The following SMIM36 variants were observed in gnomAD, a reference collection of about 807,000 sequenced individuals.
The protein encoded by SMIM36 is small integral membrane protein 36.
the SMIM36 span, among the ~76,000 whole-genome samples, chr17:55,529,598 T>A: frequency 7.1e-6 from 1 of 140,268 alleles, no homozygotes; most frequent in Non-Finnish European, 1.5e-5. Flanking sequence ...AAACCCCATC[T>A]CTACTAAAAA....
intron 1 of SMIM36, among the ~76,000 whole-genome samples, chr17:55,482,772 A>G (rs78366883): frequency 0.026 from 3,996 of 152,322 alleles, 154 homozygotes; most frequent in African/African-American, 0.081. Context: ...GTACTTACTG[A>G]TAGAGGCATT....
intron 1 of SMIM36, among the ~76,000 whole-genome samples, chr17:55,496,190 C>T (rs753597835): frequency 5.9e-5 from 9 of 152,190 alleles, no homozygotes; most frequent in Non-Finnish European, 8.8e-5. Context: ...TCCCTTGGAG[C>T]GGCACACTTT....
At chr17:55,457,506 C>G (rs1332554696) in intron 4 of SMIM36, among the ~76,000 whole-genome samples, 1 of 149,282 alleles carries the variant, frequency 6.7e-6, no homozygotes, top group African/African-American at 2.5e-5. Context: ...CTCTCGAGAT[C>G]TTTAAAAAAA....
At chr17:55,501,322 T>C (rs190803051) in intron 1 of SMIM36, among the ~76,000 whole-genome samples, 2,017 of 66,786 alleles carry the variant, frequency 0.03, 142 homozygotes, top group African/African-American at 0.19. Flanking sequence ...ATATTATATT[T>C]TATAATATAT....
chr17:55,487,925 A>G (rs944696045), intron 1 of SMIM36, among the ~76,000 whole-genome samples: 3 of 152,214 alleles, frequency 2.0e-5, no homozygotes, highest in African/African-American at 7.2e-5. Context: ...TGGGGATTCC[A>G]GACCAGCCTC....
At chr17:55,489,489 A>G (rs1309436098) in intron 1 of SMIM36, among the ~76,000 whole-genome samples, 4 of 152,212 alleles carry the variant, frequency 2.6e-5, no homozygotes, top group Non-Finnish European at 5.9e-5. Flanking sequence ...CCACTTATAA[A>G]AGTTTTGTAT....
chr17:55,463,010 T>C (rs1010500552), intron 4 of SMIM36, among the ~76,000 whole-genome samples: 1 of 152,128 alleles, frequency 6.6e-6, no homozygotes, highest in Non-Finnish European at 1.5e-5. Flanking sequence ...CCAAGAACAT[T>C]TGGCCTCTGA....
chr17:55,524,595 T>C, the SMIM36 span, among the ~76,000 whole-genome samples: 13 of 152,220 alleles, frequency 8.5e-5, no homozygotes, highest in Non-Finnish European at 1.9e-4. Flanking sequence ...ATTTTTTGAC[T>C]TTTTGGTAGT....
intron 3 of SMIM36, among the ~76,000 whole-genome samples, chr17:55,474,601 T>G (rs1387713807): frequency 6.6e-6 from 1 of 152,208 alleles, no homozygotes; most frequent in East Asian, 1.9e-4. Context: ...GTTTTTGACT[T>G]GACTTGGATT....
At chr17:55,451,612 A>G (rs1285866179) in intron 4 of SMIM36, among the ~76,000 whole-genome samples, 1 of 152,122 alleles carries the variant, frequency 6.6e-6, no homozygotes, top group Admixed American at 6.6e-5. Flanking sequence ...AGAAAGATAC[A>G]CCCTCTTTGT....
chr17:55,466,543 A>G (rs1909242574), intron 4 of SMIM36, among the ~76,000 whole-genome samples: 1 of 152,216 alleles, frequency 6.6e-6, no homozygotes, highest in Non-Finnish European at 1.5e-5. Flanking sequence ...TCCAGACATC[A>G]TATTCCTTTC....
intron 4 of SMIM36, among the ~76,000 whole-genome samples, chr17:55,459,910 T>C (rs1395650709): frequency 6.6e-6 from 1 of 152,108 alleles, no homozygotes; most frequent in Non-Finnish European, 1.5e-5. Context: ...GGCAGGGGGA[T>C]TGTGCCTAGG....
At chr17:55,477,381 G>C (rs556867539) in intron 3 of SMIM36, among the ~76,000 whole-genome samples, 4 of 152,094 alleles carry the variant, frequency 2.6e-5, no homozygotes, top group Non-Finnish European at 5.9e-5. Context: ...CTGGCTTAGA[G>C]ATGCATCATT....
At chr17:55,504,272 A>AT (rs1323322694) in intron 1 of SMIM36, among the ~76,000 whole-genome samples, 8 of 73,872 alleles carry the variant, frequency 1.1e-4, no homozygotes, top group East Asian at 4.6e-4. Flanking sequence ...CAGAATATAC[A>AT]TTTTTTTCAG....
the SMIM36 span, among the ~76,000 whole-genome samples, chr17:55,522,077 G>T: frequency 6.6e-6 from 1 of 152,172 alleles, no homozygotes; most frequent in East Asian, 1.9e-4. Flanking sequence ...TACACGGGCA[G>T]TAAGGCACTG....
chr17:55,481,616 T>G (rs1345653667), intron 1 of SMIM36, among the ~76,000 whole-genome samples: 1 of 152,172 alleles, frequency 6.6e-6, no homozygotes, highest in African/African-American at 2.4e-5. Flanking sequence ...TAAGAAAAAT[T>G]TATATCTAAA....
At chr17:55,486,019 CT>C (rs72017867) in intron 1 of SMIM36, among the ~76,000 whole-genome samples, 15,482 of 142,424 alleles carry the variant, frequency 0.11, 857 homozygotes, top group South Asian at 0.16. Context: ...AAAGAGCTTT[CT>C]TTTTTTTTTT....
the SMIM36 span, among the ~76,000 whole-genome samples, chr17:55,519,072 T>C: frequency 6.6e-6 from 1 of 151,966 alleles, no homozygotes; most frequent in Non-Finnish European, 1.5e-5. Context: ...ACTGTATATT[T>C]TAAAAGAGGT....
chr17:55,526,494 G>A, the SMIM36 span, among the ~76,000 whole-genome samples: 1 of 152,022 alleles, frequency 6.6e-6, no homozygotes, highest in Admixed American at 6.6e-5. Context: ...TTATAGATGA[G>A]GGAAATGAAG....
Sources: gnomAD v4.1 joint callset for allele counts (sites outside exome capture counted in the v4.1 genomes callset) on GRCh38, gnomAD v4.1.1 for gene constraint, MANE v1.5 for transcripts, NCBI Gene and HGNC (gene_info 2026-07-23, HGNC 2026-07-21) for gene names.